The following WDFY2 variants were observed in gnomAD, a reference collection of about 807,000 sequenced individuals.
WDFY2 encodes WD repeat and FYVE domain containing 2.
In WDFY2, 36 loss-of-function variants were observed where a neutral mutation model predicts 56.4. The observed-to-expected ratio is 0.64, with a 90% CI of 0.49 to 0.84. The LOEUF (loss-of-function observed/expected upper bound fraction) is 0.84. WDFY2 is among the 40% of genes least tolerant of loss of function. WDFY2 has a pLI of 0.00. For missense variants in WDFY2, 444 were observed against 512.2 expected, an observed-to-expected ratio of 0.87 and a Z score of 1.29; for synonymous variants, 176 against 183.7, an observed-to-expected ratio of 0.96 and a Z score of 0.34.
intron 5 of WDFY2, 49 bp from the exon 6 acceptor site, chr13:51,727,629 A>T (rs1263447244): frequency 4.5e-6 from 7 of 1,561,228 alleles, no homozygotes; most frequent in South Asian, 3.4e-5. Flanking sequence ...TTTCATTGTA[A>T]ATTCCCTCAT....
rs1382799185 is a variant in WDFY2 at position 51,760,848 on chromosome 13, C to G, written c.*1079C>G. On this transcript the variant is annotated 3_prime_UTR_variant, in exon 12 of 12. Transcript: ENST00000298125. ...GATCTGATGGGAGGCGGAGCCCAGGCAGTAACACTTGCTTGCCCACTGCTC... is the reference window on the plus strand; with the variant it reads ...GATCTGATGGGAGGCGGAGCCCAGGGAGTAACACTTGCTTGCCCACTGCTC... 6.6e-6 allele frequency: 1 copy of G among 152,354 alleles called. No homozygotes were observed. The highest frequency in any genetic ancestry group is 1.5e-5 in the Non-Finnish European group (1 of 68,086). The allele number at this position is 152,354 out of a possible 1,614,324, so 9.4% of individuals were successfully genotyped here. A position where few individuals can be genotyped will look rare whatever the true frequency, so the allele number is the denominator to read the frequency against.
intron 6 of WDFY2, among the ~76,000 whole-genome samples, chr13:51,737,590 C>G (rs1411722888): frequency 1.6e-5 from 2 of 121,364 alleles, no homozygotes; most frequent in Non-Finnish European, 3.3e-5. Flanking sequence ...AAAGAATAAT[C>G]AGGAGAGTGA....
chr13:51,753,045 T>C (rs1300853531), intron 8 of WDFY2: 6 of 152,240 alleles, frequency 3.9e-5, no homozygotes, highest in Admixed American at 2.0e-4. Context: ...ATAGTTGATA[T>C]ATGCTAGAGC....
At chr13:51,613,884 A>G (rs1412285349) in intron 1 of WDFY2, among the ~76,000 whole-genome samples, 2 of 152,196 alleles carry the variant, frequency 1.3e-5, no homozygotes, top group Non-Finnish European at 2.9e-5. Flanking sequence ...TTTTAAAATT[A>G]AGTATGTCTG....
intron 1 of WDFY2, among the ~76,000 whole-genome samples, chr13:51,653,258 G>C (rs1361822810): frequency 6.6e-6 from 1 of 152,116 alleles, no homozygotes; most frequent in Non-Finnish European, 1.5e-5. Context: ...AGCTCCATCA[G>C]GTCCTTTAAG....
intron 1 of WDFY2, among the ~76,000 whole-genome samples, chr13:51,621,962 G>A (rs141157338): frequency 0.034 from 5,172 of 152,118 alleles, 105 homozygotes; most frequent in Middle Eastern, 0.054. Context: ...ATTTTTTTAA[G>A]CTTTTTTTGC....
intron 4 of WDFY2, among the ~76,000 whole-genome samples, chr13:51,713,387 A>C (rs1244524242): frequency 6.6e-6 from 1 of 152,198 alleles, no homozygotes; most frequent in Non-Finnish European, 1.5e-5. Flanking sequence ...ATATATGTAC[A>C]CCCATGTTCA....
intron 3 of WDFY2, among the ~76,000 whole-genome samples, chr13:51,700,314 G>A: frequency 6.6e-6 from 1 of 152,070 alleles, no homozygotes; most frequent in South Asian, 2.1e-4. Context: ...ATGGAAAGAA[G>A]GAAGGATAGA....
intron 1 of WDFY2, among the ~76,000 whole-genome samples, chr13:51,640,123 A>G (rs1472843629): frequency 6.6e-6 from 1 of 152,212 alleles, no homozygotes; most frequent in African/African-American, 2.4e-5. Flanking sequence ...CTTTTTATTA[A>G]TATCAATAAA....
At chr13:51,686,863 T>G (rs1233009308) in intron 3 of WDFY2, among the ~76,000 whole-genome samples, 1 of 151,958 alleles carries the variant, frequency 6.6e-6, no homozygotes, top group African/African-American at 2.4e-5. Flanking sequence ...TCTCTTTTTT[T>G]TTCTTTTATT....
chr13:51,689,413 GTA>G lies in WDFY2; in HGVS notation c.279+14171_279+14172del, dbSNP rs1956112600. Among the ~76,000 whole-genome samples the G allele has an allele frequency of 2.0e-5, 3 of 152,160 alleles. No individual in the cohort carries two copies. The South Asian group carries it at 6.2e-4, about 32-fold the overall frequency. On this transcript the variant is annotated intron_variant, in intron 3 of 11. Transcript: ENST00000298125. The stretch of plus-strand genomic sequence containing the variant: ...GAGGAGGAATTTATAGGAAGAATTT[GTA>G]AACCTGAATTTGTCTCTTTGTAGGT...
At chr13:51,597,816 A>T (rs1369771642) in intron 1 of WDFY2, among the ~76,000 whole-genome samples, 3 of 152,248 alleles carry the variant, frequency 2.0e-5, no homozygotes, top group Non-Finnish European at 4.4e-5. Flanking sequence ...TGAATGAAAA[A>T]CAGCAGGTAG....
At position 51,766,842 on chromosome 13, in the gene WDFY2, A is replaced by C. The variant is rs1332603637; in HGVS notation, c.*7073A>C. 2 of 152,354 alleles carry C rather than the reference A, an allele frequency of 1.3e-5. No individual in the cohort carries two copies. The highest frequency in any genetic ancestry group is 6.8e-3 in the Middle Eastern group (2 of 294). 9.4% of individuals were successfully genotyped at this position (152,354 alleles called of 1,614,324 possible). A position where few individuals can be genotyped will look rare whatever the true frequency, so the allele number is the denominator to read the frequency against. ...GTTACATGTGGCCACGCACACACCG[A>C]CAACCTTGCTGTGCTGTTTAGCCCT... On this transcript the variant is annotated 3_prime_UTR_variant, in exon 12 of 12. Transcript: ENST00000298125.
At chr13:51,710,192 G>A (rs559541548) in intron 4 of WDFY2, among the ~76,000 whole-genome samples, 41 of 152,266 alleles carry the variant, frequency 2.7e-4, no homozygotes, top group Non-Finnish European at 4.7e-4. Context: ...AAACCCACAT[G>A]ATTATCTCAA....
intron 3 of WDFY2, among the ~76,000 whole-genome samples, chr13:51,680,798 A>C (rs1051220827): frequency 6.6e-6 from 1 of 152,172 alleles, no homozygotes; most frequent in African/African-American, 2.4e-5. Flanking sequence ...AATAGGCCCC[A>C]TGTCAGGATA....
At chr13:51,660,329 T>C (rs1955587492) in intron 1 of WDFY2, among the ~76,000 whole-genome samples, 1 of 151,636 alleles carries the variant, frequency 6.6e-6, no homozygotes, top group African/African-American at 2.4e-5. Flanking sequence ...CCCGAGTAGA[T>C]GGGATTACAG....
intron 1 of WDFY2, among the ~76,000 whole-genome samples, chr13:51,608,946 T>A (rs1954436536): frequency 6.6e-6 from 1 of 152,134 alleles, no homozygotes; most frequent in African/African-American, 2.4e-5. Context: ...AAATGAACTC[T>A]CTTCTACAAA....
chr13:51,623,875 T>A (rs9568644), intron 1 of WDFY2, among the ~76,000 whole-genome samples: 12,419 of 152,126 alleles, frequency 0.082, 807 homozygotes, highest in East Asian at 0.29. Context: ...GCACTTTTTT[T>A]AACCTATAGA....
At chr13:51,708,386 G>T (rs1952134487) in intron 4 of WDFY2, among the ~76,000 whole-genome samples, 1 of 151,928 alleles carries the variant, frequency 6.6e-6, no homozygotes, top group Non-Finnish European at 1.5e-5. Flanking sequence ...GGCTAAGGTG[G>T]GAGGGTTGCT....
Sources: allele counts gnomAD v4.1 joint callset (sites outside exome capture counted in the v4.1 genomes callset), GRCh38; gene constraint gnomAD v4.1.1; transcripts MANE v1.5; gene names NCBI Gene and HGNC (gene_info 2026-07-23, HGNC 2026-07-21).